PXDNL: variants seen among roughly 807,000 people sequenced by gnomAD.
PXDNL encodes peroxidasin like.
Under a neutral mutation model 150.8 loss-of-function variants are expected in PXDNL, and 145 were observed. The observed-to-expected ratio is 0.96, with a 90% confidence interval of 0.84 to 1.10. The LOEUF is 1.10. PXDNL is among the 50% of genes least tolerant of loss of function. The pLI is 0.00. For missense variants in PXDNL, 2,087 were observed against 1,873.9 expected (o/e 1.11, Z -2.10); for synonymous variants, 757 against 725.7 (o/e 1.04, Z -0.69).
chr8:51,505,658 T>C (rs1275834879), intron 4 of PXDNL, among the ~76,000 whole-genome samples: 3 of 152,240 alleles, frequency 2.0e-5, no homozygotes, highest in African/African-American at 7.2e-5. Context: ...TAATTTTGCA[T>C]GTGTCTATAT....
intron 11 of PXDNL, among the ~76,000 whole-genome samples, chr8:51,447,961 A>G (rs1011811427): frequency 2.6e-5 from 4 of 152,212 alleles, no homozygotes; most frequent in Non-Finnish European, 4.4e-5. Context: ...AGCAGTTAAC[A>G]GGTTTGCTCA....
chr8:51,339,060 A>G (rs930802489), intron 21 of PXDNL, among the ~76,000 whole-genome samples: 5 of 152,220 alleles, frequency 3.3e-5, no homozygotes, highest in African/African-American at 1.2e-4. Flanking sequence ...GTGCCGACCA[A>G]ATTCATGCCC....
At chr8:51,736,413 TG>T (rs1817039059) in intron 1 of PXDNL, among the ~76,000 whole-genome samples, 1 of 152,202 alleles carries the variant, frequency 6.6e-6, no homozygotes, top group Non-Finnish European at 1.5e-5. Flanking sequence ...TAAAGCCACT[TG>T]CTAGGCAGGC....
At chr8:51,429,604 A>G (rs1809201472) in intron 12 of PXDNL, among the ~76,000 whole-genome samples, 2 of 151,952 alleles carry the variant, frequency 1.3e-5, no homozygotes, top group South Asian at 4.1e-4. Context: ...CCAAAAGTGC[A>G]CAAGCTAAGT....
rs535825606 is a variant in PXDNL, at chr8:51,706,631, A to C, written c.165-51871T>G. On this transcript the variant is annotated intron_variant, in intron 1 of 22. Transcript: ENST00000356297. ...CAAATGAAGGAGTAACAGGATTGAA[A>C]TAGTAAAGTTGAGTTTACAAGCTGA... Among the ~76,000 whole-genome samples the C allele has an allele frequency of 6.4e-4, 98 of 152,350 alleles. 1 individual carries two copies. In the South Asian group the frequency reaches 0.018, roughly 28 times the overall value.
In PXDNL at chr8:51,652,279, G is replaced by T. The variant is rs571913920; in HGVS notation, c.236+2410C>A. ...TTTCTTTTGCTTTTACAATAAATTA[G>T]TAAAGACCTTTGGATCTTCACTTAA... On this transcript the variant is annotated intron_variant, in intron 2 of 22. Transcript: ENST00000356297. Among the ~76,000 whole-genome samples, 7 of 151,980 alleles carry T rather than the reference G, an allele frequency of 4.6e-5. No homozygotes were observed. The South Asian group carries it at 1.5e-3, about 32-fold the overall frequency.
chr8:51,454,957 A>AGTATAGGGAAAGTTATTATAATAATTG (rs370863538), intron 9 of PXDNL, among the ~76,000 whole-genome samples: 6 of 142,182 alleles, frequency 4.2e-5, no homozygotes, highest in African/African-American at 8.7e-5. Flanking sequence ...GGTAAGGGAA[A>AGTATAGGGAAAGTTATTATAATAATTG]AATTAGCCGG....
intron 1 of PXDNL, among the ~76,000 whole-genome samples, chr8:51,757,465 A>C (rs577656139): frequency 1.3e-5 from 2 of 152,226 alleles, no homozygotes; most frequent in East Asian, 3.9e-4. Flanking sequence ...CTAAGCTGGG[A>C]ATTAGATGGG....
chr8:51,759,040 A>G (rs2037133333), intron 1 of PXDNL, among the ~76,000 whole-genome samples: 2 of 152,222 alleles, frequency 1.3e-5, no homozygotes, highest in Admixed American at 6.5e-5. Flanking sequence ...GGGCTGGAAT[A>G]GAATGGACCA....
At chr8:51,378,550 G>A (rs1226013427) in intron 17 of PXDNL, among the ~76,000 whole-genome samples, 1 of 152,198 alleles carries the variant, frequency 6.6e-6, no homozygotes, top group Admixed American at 6.5e-5. Flanking sequence ...GCCAGCAGTG[G>A]CAATCCTCTG....
chr8:51,377,560 G>A lies in PXDNL; in HGVS notation c.3558-2829C>T, dbSNP rs780509757. 5.9e-5 allele frequency among the ~76,000 whole-genome samples: 9 copies of A among 152,326 alleles called. No homozygotes were observed. The East Asian group carries it at 1.2e-3, about 20-fold the overall frequency. On this transcript the variant is annotated intron_variant, in intron 17 of 22. Transcript: ENST00000356297. ...AACCGGGGCTGCACAGGGTGCTTGCGGGCCAGCGCGAGTTCCGGGTGGGCG... is the reference window on the plus strand; with the variant it reads ...AACCGGGGCTGCACAGGGTGCTTGCAGGCCAGCGCGAGTTCCGGGTGGGCG...
At chr8:51,391,773 T>C (rs1361042505) in intron 17 of PXDNL, among the ~76,000 whole-genome samples, 1 of 152,186 alleles carries the variant, frequency 6.6e-6, no homozygotes, top group Non-Finnish European at 1.5e-5. Flanking sequence ...TTGGCTTTTG[T>C]TGCCATTGCT....
At chr8:51,492,575 C>T (rs1001620849) in intron 5 of PXDNL, among the ~76,000 whole-genome samples, 1 of 152,322 alleles carries the variant, frequency 6.6e-6, no homozygotes, top group East Asian at 1.9e-4. Context: ...AATCAGGCCA[C>T]TCCCACCCTA....
chr8:51,327,451 A>G (rs1805548591), intron 21 of PXDNL, among the ~76,000 whole-genome samples: 1 of 152,220 alleles, frequency 6.6e-6, no homozygotes, highest in African/African-American at 2.4e-5. Context: ...TTATTAACCA[A>G]TTCATGTTGC....
intron 12 of PXDNL, among the ~76,000 whole-genome samples, chr8:51,446,000 A>T (rs1322428470): frequency 6.6e-6 from 1 of 151,946 alleles, no homozygotes; most frequent in Non-Finnish European, 1.5e-5. Context: ...AAAAAAAAAA[A>T]TTTAGTATGT....
At chr8:51,677,908 C>T (rs1815659846) in intron 1 of PXDNL, among the ~76,000 whole-genome samples, 3 of 152,194 alleles carry the variant, frequency 2.0e-5, no homozygotes, top group South Asian at 4.1e-4. Flanking sequence ...CCAGCTAATA[C>T]TGCTAGAAGG....
At chr8:51,321,203 A>T (rs1805302944) in intron 21 of PXDNL, 1 of 228,126 alleles carries the variant, frequency 4.4e-6, no homozygotes, top group Admixed American at 5.6e-5. Flanking sequence ...ATATTTGGAA[A>T]ATCTTCTCAA....
chr8:51,699,928 C>T (rs578156017), intron 1 of PXDNL, among the ~76,000 whole-genome samples: 6 of 151,986 alleles, frequency 3.9e-5, no homozygotes, highest in African/African-American at 7.2e-5. Flanking sequence ...CTACAATAGC[C>T]GCATCAAAGA....
intron 12 of PXDNL, chr8:51,436,381 C>T (rs537991700): frequency 1.9e-5 from 8 of 427,910 alleles, no homozygotes; most frequent in African/African-American, 1.7e-4. Context: ...TTCTCACTAC[C>T]AGGCACCAAA....
Sources: allele counts gnomAD v4.1 joint callset (sites outside exome capture counted in the v4.1 genomes callset), GRCh38; gene constraint gnomAD v4.1.1; transcripts MANE v1.5; gene names NCBI Gene and HGNC (gene_info 2026-07-23, HGNC 2026-07-21).